NRG3: variants seen among roughly 807,000 people sequenced by gnomAD.
NRG3 encodes the protein pro-neuregulin-3, membrane-bound isoform.
A neutral mutation model predicts 66.9 loss-of-function variants in NRG3; 31 were observed. That is an observed-to-expected ratio of 0.46 (90% CI 0.35 to 0.63). NRG3 has a LOEUF of 0.63. Ranked by LOEUF, NRG3 falls within the 20% of genes least tolerant of loss-of-function variation. The pLI is 0.00. For synonymous variants in NRG3, 393 were observed against 359.4 expected (o/e 1.09, Z -1.06); for missense variants, 910 against 878.9 (o/e 1.04, Z -0.45).
At chr10:82,630,608 G>A (rs2133717513) in intron 2 of NRG3, among the ~76,000 whole-genome samples, 1 of 152,008 alleles carries the variant, frequency 6.6e-6, no homozygotes, top group Non-Finnish European at 1.5e-5. Flanking sequence ...AACCTGGGAG[G>A]CGAAGGTTGC....
chr10:82,667,435 A>G (rs1375612483), intron 2 of NRG3, among the ~76,000 whole-genome samples: 1 of 152,178 alleles, frequency 6.6e-6, no homozygotes, highest in Non-Finnish European at 1.5e-5. Context: ...TGTGATTTGG[A>G]TATCTCAACA....
At chr10:82,248,913 A>G (rs899032492) in intron 1 of NRG3, among the ~76,000 whole-genome samples, 23 of 152,248 alleles carry the variant, frequency 1.5e-4, no homozygotes, top group African/African-American at 5.3e-4. Flanking sequence ...AAGTCTCAGT[A>G]TAATAGTCAG....
intron 1 of NRG3, among the ~76,000 whole-genome samples, chr10:82,343,045 T>A (rs2135408660): frequency 6.6e-6 from 1 of 152,244 alleles, no homozygotes; most frequent in Non-Finnish European, 1.5e-5. Flanking sequence ...CAGTGTATAT[T>A]TTTGTTGACT....
At chr10:82,418,250 G>A (rs1459464366) in intron 2 of NRG3, among the ~76,000 whole-genome samples, 2 of 152,102 alleles carry the variant, frequency 1.3e-5, no homozygotes, top group Non-Finnish European at 2.9e-5. Flanking sequence ...TTTGGGGATG[G>A]TATTTTTTGA....
intron 1 of NRG3, among the ~76,000 whole-genome samples, chr10:82,054,548 C>G (rs1391644899): frequency 6.6e-6 from 1 of 152,010 alleles, no homozygotes; most frequent in African/African-American, 2.4e-5. Context: ...TTAAGTTGAG[C>G]TGACAAGTAG....
intron 2 of NRG3, among the ~76,000 whole-genome samples, chr10:82,523,896 A>G (rs1050194612): frequency 2.0e-5 from 3 of 152,100 alleles, no homozygotes; most frequent in African/African-American, 7.2e-5. Flanking sequence ...CTGTGTTCTC[A>G]TTAGTCATCC....
intron 2 of NRG3, among the ~76,000 whole-genome samples, chr10:82,638,555 A>C (rs1436302668): frequency 6.6e-6 from 1 of 152,132 alleles, no homozygotes; most frequent in Admixed American, 6.6e-5. Context: ...TATGGCAAGG[A>C]CTGGATGTCA....
intron 4 of NRG3, among the ~76,000 whole-genome samples, chr10:82,866,907 G>A (rs1458491693): frequency 1.3e-5 from 2 of 152,112 alleles, no homozygotes; most frequent in Non-Finnish European, 2.9e-5. Flanking sequence ...GACTTGAGAG[G>A]ACATAGTTTT....
chr10:82,091,917 A>T (rs12358551), intron 1 of NRG3, among the ~76,000 whole-genome samples: 14,322 of 152,238 alleles, frequency 0.094, 733 homozygotes, highest in Non-Finnish European at 0.11. Context: ...GTGTCCCCTC[A>T]TGCACCTATT....
At chr10:82,395,658 A>G (rs2086666818) in intron 2 of NRG3, among the ~76,000 whole-genome samples, 1 of 151,982 alleles carries the variant, frequency 6.6e-6, no homozygotes, top group Non-Finnish European at 1.5e-5. Context: ...CCATTTATCC[A>G]TCCATCCATC....
At chr10:82,693,831 A>G (rs2265975) in intron 2 of NRG3, among the ~76,000 whole-genome samples, 139,570 of 152,208 alleles carry the variant, frequency 0.92, 64,048 homozygotes, top group East Asian at 1. Flanking sequence ...GTGAGCAGCA[A>G]CTAGATTTAT....
At chr10:82,298,743 G>A (rs1025416308) in intron 1 of NRG3, among the ~76,000 whole-genome samples, 2 of 151,956 alleles carry the variant, frequency 1.3e-5, no homozygotes, top group Non-Finnish European at 2.9e-5. Flanking sequence ...ATTCTATGCT[G>A]TGCACAGAAT....
intron 2 of NRG3, among the ~76,000 whole-genome samples, chr10:82,359,127 A>G (rs2135588214): frequency 6.6e-6 from 1 of 152,342 alleles, no homozygotes; most frequent in African/African-American, 2.4e-5. Flanking sequence ...AGATCTGCAA[A>G]GTTAATGGAA....
intron 1 of NRG3, among the ~76,000 whole-genome samples, chr10:82,276,099 G>A (rs899303142): frequency 6.6e-5 from 10 of 151,976 alleles, no homozygotes; most frequent in South Asian, 2.1e-4. Context: ...CAATAAGTTC[G>A]TTTTATTCAT....
At chr10:82,539,682 G>T (rs1015090234) in intron 2 of NRG3, among the ~76,000 whole-genome samples, 1 of 151,926 alleles carries the variant, frequency 6.6e-6, no homozygotes, top group African/African-American at 2.4e-5. Flanking sequence ...CCCCCAGGCT[G>T]GAGTGCAGTG....
chr10:82,007,757 C>A (rs1461453460), intron 1 of NRG3, among the ~76,000 whole-genome samples: 1 of 151,894 alleles, frequency 6.6e-6, no homozygotes, highest in African/African-American at 2.4e-5. Flanking sequence ...GTTTTAAAAC[C>A]AGGATAGCAA....
At chr10:81,970,249 G>A (rs1424023267) in intron 1 of NRG3, among the ~76,000 whole-genome samples, 7 of 152,304 alleles carry the variant, frequency 4.6e-5, no homozygotes, top group African/African-American at 9.6e-5. Flanking sequence ...CATAGTAAAT[G>A]TGTATGTACC....
intron 1 of NRG3, among the ~76,000 whole-genome samples, chr10:82,245,991 T>TTTG (rs2077224990): frequency 2.7e-5 from 4 of 150,632 alleles, no homozygotes; most frequent in Admixed American, 6.6e-5. Context: ...TTTTTTTTTT[T>TTTG]TTTTTTTTTT....
intron 4 of NRG3, among the ~76,000 whole-genome samples, chr10:82,915,200 AT>A (rs1269674903): frequency 1.3e-5 from 2 of 152,144 alleles, no homozygotes; most frequent in African/African-American, 4.8e-5. Flanking sequence ...CTATAACTGT[AT>A]TTATCTTTCT....
Sources: allele counts gnomAD v4.1 joint callset (sites outside exome capture counted in the v4.1 genomes callset), GRCh38; gene constraint gnomAD v4.1.1; transcripts MANE v1.5; gene names NCBI Gene and HGNC (gene_info 2026-07-23, HGNC 2026-07-21).